SMARCD2: variants seen among roughly 807,000 people sequenced by gnomAD.
The protein encoded by SMARCD2 is SWI/SNF-related matrix-associated actin-dependent regulator of chromatin subfamily D member 2.
Under a neutral mutation model 70.4 loss-of-function variants are expected in SMARCD2, and 39 were observed. The observed-to-expected ratio is 0.55, with a 90% confidence interval of 0.43 to 0.72. The LOEUF is 0.72. Ranked by LOEUF, SMARCD2 falls within the 30% of genes least tolerant of loss-of-function variation. The pLI is 0.00. For missense variants in SMARCD2, 540 were observed against 713.4 expected, an observed-to-expected ratio of 0.76 and a Z score of 2.77; for synonymous variants, 249 against 279.4, an observed-to-expected ratio of 0.89 and a Z score of 1.08.
chr17:63,834,597 C>T lies in SMARCD2; in HGVS notation c.820-22G>A, dbSNP rs1191298041. On this transcript the variant is annotated intron_variant, in intron 6 of 12. Coordinates refer to ENST00000448276, the MANE Select transcript of SMARCD2 (RefSeq NM_001098426.2). The surrounding 1 kb of genome is among the most constrained non-coding windows in gnomAD (Gnocchi z 5.6). Reference sequence around the variant, plus strand: ...GCCACTGGCAGGGAGGGAAGCATGGCTTATCACCAAGGGGGTGGGCGTGAA... The same window carrying T: ...GCCACTGGCAGGGAGGGAAGCATGGTTTATCACCAAGGGGGTGGGCGTGAA... 6.3e-7 allele frequency: 1 copy of T among 1,587,162 alleles called. No homozygotes were observed. Among genetic ancestry groups the T allele is most frequent in the East Asian group, 2.2e-5 (1 of 44,620 alleles).
chr17:63,838,887 C>G, intron 1 of SMARCD2: 54 of 985,432 alleles, frequency 5.5e-5, no homozygotes, highest in Non-Finnish European at 6.4e-5. Flanking sequence ...CTCTTCATCC[C>G]GCACTAAACC....
At chr17:63,838,689 G>T in intron 1 of SMARCD2, 1 of 1,397,436 alleles carries the variant, frequency 7.2e-7, no homozygotes, top group Non-Finnish European at 9.3e-7. Context: ...CATGGCTGCT[G>T]CCTGCAAGGC....
At chr17:63,841,480 C>T (rs1175774785) in intron 1 of SMARCD2, among the ~76,000 whole-genome samples, 9 of 152,324 alleles carry the variant, frequency 5.9e-5, no homozygotes, top group African/African-American at 2.2e-4. Context: ...AACCTGAAGG[C>T]CAAATAAAAA....
chr17:63,833,231 G>C lies in SMARCD2; in HGVS notation c.1441-61C>G. On this transcript the variant is annotated intron_variant, in intron 11 of 12. Coordinates refer to ENST00000448276, the MANE Select transcript of SMARCD2 (RefSeq NM_001098426.2). The surrounding 1 kb of genome is among the most constrained non-coding windows in gnomAD (Gnocchi z 4.3). ...CCCACCCCTGGGCTAATCCACCCTG[G>C]GAACTGCTGTGGGTAAAAATCACCC... The C allele has an allele frequency of 6.2e-7, 1 of 1,612,374 alleles. No individual in the cohort carries two copies. The highest frequency in any genetic ancestry group is 1.1e-5 in the South Asian group (1 of 90,996).
chr17:63,839,594 C>CA (rs968400901), intron 1 of SMARCD2, among the ~76,000 whole-genome samples: 14 of 26,972 alleles, frequency 5.2e-4, no homozygotes, highest in South Asian at 2.2e-3. Flanking sequence ...ACAAAACAAA[C>CA]AAAAAAAAAC....
intron 1 of SMARCD2, among the ~76,000 whole-genome samples, chr17:63,842,217 C>T (rs936243360): frequency 6.6e-6 from 1 of 152,204 alleles, no homozygotes; most frequent in African/African-American, 2.4e-5. Context: ...CACTCGGAAT[C>T]CCTGTGCCGC....
At chr17:63,836,498 C>CG (rs1214342690) in intron 4 of SMARCD2, among the ~76,000 whole-genome samples, 12 of 98,236 alleles carry the variant, frequency 1.2e-4, no homozygotes, top group African/African-American at 2.6e-4. Context: ...GACTCCATCT[C>CG]AGAAAAAAAA....
chr17:63,840,544 AC>A (rs1904420658), intron 1 of SMARCD2, among the ~76,000 whole-genome samples: 1 of 151,760 alleles, frequency 6.6e-6, no homozygotes, highest in Admixed American at 6.6e-5. Flanking sequence ...AGCTAGAACC[AC>A]CCTCTGGAGG....
rs764655425 is a variant in SMARCD2, at chr17:63,833,176, A to G, written c.1441-6T>C. ...CCAATCACATCAGTGATGATCTGCA[A>G]AGAGCCAGGAGGAAAGCCATAGCAT... On this transcript the variant is annotated splice_polypyrimidine_tract_variant and splice_region_variant and intron_variant, in intron 11 of 12. Coordinates refer to ENST00000448276, the MANE Select transcript of SMARCD2 (RefSeq NM_001098426.2). The surrounding 1 kb of genome is among the most constrained non-coding windows in gnomAD (Gnocchi z 4.3). The G allele has an allele frequency of 3.1e-6, 5 of 1,608,578 alleles. No individual in the cohort carries two copies. Among genetic ancestry groups the G allele is most frequent in the East Asian group, 2.2e-5 (1 of 44,762 alleles).
intron 5 of SMARCD2, chr17:63,835,158 C>T: frequency 1.8e-6 from 1 of 542,884 alleles, no homozygotes; most frequent in Non-Finnish European, 3.2e-6. Flanking sequence ...CAATCTCACT[C>T]TGTCACCCAG....
At chr17:63,842,432 C>G in intron 1 of SMARCD2, 27 bp downstream of exon 1, 10 of 1,344,162 alleles carry the variant, frequency 7.4e-6, no homozygotes, top group Non-Finnish European at 9.5e-6. Context: ...CCTCTCGCCC[C>G]CGTCCGCTCG....
At position 63,832,921 on chromosome 17, in the gene SMARCD2, G is replaced by GA; in HGVS notation, c.*16dup. The GA allele has an allele frequency of 6.4e-7, 1 of 1,555,776 alleles. No homozygotes were observed. Among genetic ancestry groups the GA allele is most frequent in the Non-Finnish European group, 8.7e-7 (1 of 1,150,644 alleles). Reference sequence around the variant, plus strand: ...TCCCTCCAGGCTCCAGGGCTGGGAAGAAAGATCCCTGAGCAGTTAGGTCAG... The same window carrying GA: ...TCCCTCCAGGCTCCAGGGCTGGGAAGAAAAGATCCCTGAGCAGTTAGGTCAG... On this transcript the variant is annotated 3_prime_UTR_variant, in exon 13 of 13. Transcript: ENST00000448276.
Position 63,832,698 on chromosome 17 carries a change from T to C in SMARCD2, c.*240A>G, listed in dbSNP as rs2040206911. 3 of 575,304 alleles carry C rather than the reference T, an allele frequency of 5.2e-6. No individual in the cohort carries two copies. The highest frequency in any genetic ancestry group is 3.7e-5 in the African/African-American group (2 of 53,404). 35.6% of individuals were successfully genotyped at this position (575,304 alleles called of 1,614,324 possible). A position where few individuals can be genotyped will look rare whatever the true frequency, so the allele number is the denominator to read the frequency against. On this transcript the variant is annotated 3_prime_UTR_variant, in exon 13 of 13. Coordinates refer to ENST00000448276, the MANE Select transcript of SMARCD2 (RefSeq NM_001098426.2). ...AGCCTCCAGCAGTCCTACTTGGGCC[T>C]GCCTGCAGGGGGGCAGAGGAGGCAT...
Position 63,834,068 on chromosome 17 carries a change from G to C in SMARCD2, c.1084-62C>G. On this transcript the variant is annotated intron_variant, in intron 8 of 12. Transcript: ENST00000448276. The surrounding 1 kb of genome is among the most constrained non-coding windows in gnomAD (Gnocchi z 5.6). ...GGCACAGTGGAGTGGACCATTCCAG[G>C]ACCAGTGAGGGCAGCAGTCTGCAGG... 2 of 1,588,166 alleles carry C rather than the reference G, an allele frequency of 1.3e-6. No homozygotes were observed. Among genetic ancestry groups the C allele is most frequent in the South Asian group, 2.2e-5 (2 of 90,284 alleles).
chr17:63,842,323 TCC>T (rs1904499950), intron 1 of SMARCD2, 134 bp downstream of exon 1: 1 of 1,174,580 alleles, frequency 8.5e-7, no homozygotes, highest in Non-Finnish European at 1.1e-6. Context: ...AGCCCGAGGG[TCC>T]CGGCCCGCCC....
At position 63,833,642 on chromosome 17, in the gene SMARCD2, C is replaced by T. The variant is rs2040224433; in HGVS notation, c.1262G>A (p.Ser421Asn). ...EVDDPLKAQM[S>N]NFLASTTNQQ... ...ATTGGTGGTAGAGGCCAGAAAATTG[C>T]TCATTTGGGCCTTCAGTGGGTCGTC... Residue 421 changes from serine to asparagine, a missense_variant, in exon 10 of 13, where the codon AGC (serine) becomes AAC (asparagine). Ser to Asn is a conservative substitution (Grantham distance 46). Coordinates refer to ENST00000448276, the MANE Select transcript of SMARCD2 (RefSeq NM_001098426.2). This position sits in a 1 kb window ranked among gnomAD's most constrained non-coding sequence, Gnocchi z 4.3. 2 of 1,613,988 alleles carry T rather than the reference C, an allele frequency of 1.2e-6. No homozygotes were observed. The highest frequency in any genetic ancestry group is 1.7e-6 in the Non-Finnish European group (2 of 1,179,890).
In SMARCD2 at chr17:63,833,665, G is replaced by T; in HGVS notation, c.1239C>A (p.Asp413Glu). The T allele has an allele frequency of 6.2e-7, 1 of 1,613,912 alleles. No individual in the cohort carries two copies. The highest frequency in any genetic ancestry group is 8.5e-7 in the Non-Finnish European group (1 of 1,179,862). Residue 413 changes from aspartate (D) to glutamate (E), a missense_variant, in exon 10 of 13, where the codon GAC becomes GAA. Coordinates refer to ENST00000448276, the MANE Select transcript of SMARCD2 (RefSeq NM_001098426.2). This position sits in a 1 kb window ranked among gnomAD's most constrained non-coding sequence, Gnocchi z 4.3. ...TACYDIDVEV[D>E]DPLKAQMSNF... Reference sequence around the variant, plus strand: ...TGCTCATTTGGGCCTTCAGTGGGTCGTCCACCTCCACATCGATGTCGTAAC... The same window carrying T: ...TGCTCATTTGGGCCTTCAGTGGGTCTTCCACCTCCACATCGATGTCGTAAC...
rs974957363 is a variant in SMARCD2 at position 63,842,421 on chromosome 17, G to T, written c.216+38C>A. ...CCGCCGGCCCGGGCGCCCTCGCAGC[G>T]CCTCTCGCCCCCGTCCGCTCGCGTC... On this transcript the variant is annotated intron_variant, in intron 1 of 12. Transcript: ENST00000448276. The T allele has an allele frequency of 2.3e-6, 3 of 1,326,872 alleles. No homozygotes were observed. In the African/African-American group the frequency reaches 4.7e-5, roughly 21 times the overall value. The allele number at this position is 1,326,872 out of a possible 1,614,324, so 82.2% of individuals were successfully genotyped here. A position where few individuals can be genotyped will look rare whatever the true frequency, so the allele number is the denominator to read the frequency against.
At chr17:63,835,996 T>C (rs1251484736) in intron 4 of SMARCD2, among the ~76,000 whole-genome samples, 1 of 152,054 alleles carries the variant, frequency 6.6e-6, no homozygotes, top group Admixed American at 6.5e-5. Flanking sequence ...CCTAAAGTGC[T>C]GAGATTACAG....
Sources: allele counts gnomAD v4.1 joint callset (sites outside exome capture counted in the v4.1 genomes callset), GRCh38; gene constraint gnomAD v4.1.1; non-coding constraint Gnocchi (gnomAD v3.1); transcripts MANE v1.5; gene names NCBI Gene and HGNC (gene_info 2026-07-23, HGNC 2026-07-21).